ADAMTSL1: variants seen among roughly 807,000 people sequenced by gnomAD.
ADAMTSL1 encodes ADAMTS-like protein 1.
ADAMTSL1 carries 126 observed loss-of-function variants against 201.8 expected under a neutral mutation model. The ratio of observed to expected loss-of-function variants is 0.62; its 90% CI spans 0.54 to 0.72. The LOEUF (loss-of-function observed/expected upper bound fraction) is 0.72. Ranked by LOEUF, ADAMTSL1 falls within the 30% of genes least tolerant of loss-of-function variation. The probability of loss-of-function intolerance (pLI) is 0.00; values close to 1 mark genes in which losing one functional copy is unlikely to be tolerated. For missense variants in ADAMTSL1, 2,679 were observed against 2,277.8 expected, an observed-to-expected ratio of 1.18 and a Z score of -3.59; for synonymous variants, 1,121 against 903.4, an observed-to-expected ratio of 1.24 and a Z score of -4.32.
chr9:18,445,113 C>T (rs917575370), intron 2 of ADAMTSL1, among the ~76,000 whole-genome samples: 3 of 152,118 alleles, frequency 2.0e-5, no homozygotes, highest in African/African-American at 4.8e-5. Context: ...TAAATGTACA[C>T]ATTAACTTAC....
chr9:17,997,035 C>G (rs1187796301), intron 1 of ADAMTSL1, among the ~76,000 whole-genome samples: 15 of 152,100 alleles, frequency 9.9e-5, no homozygotes, highest in Admixed American at 9.8e-4. Context: ...GGCATTTTGC[C>G]CAAAAATTGA....
intron 25 of ADAMTSL1, chr9:18,890,657 A>G: frequency 2.2e-6 from 1 of 455,096 alleles, no homozygotes; most frequent in South Asian, 1.6e-5. Flanking sequence ...TTTCCACAGG[A>G]ATGATTAATG....
intron 3 of ADAMTSL1, among the ~76,000 whole-genome samples, chr9:18,567,154 G>A (rs2132316925): frequency 6.6e-6 from 1 of 152,220 alleles, no homozygotes; most frequent in Non-Finnish European, 1.5e-5. Flanking sequence ...GTTTAAGTTT[G>A]AAAACCACTG....
At chr9:18,579,510 A>G (rs1822961975) in intron 4 of ADAMTSL1, among the ~76,000 whole-genome samples, 1 of 152,094 alleles carries the variant, frequency 6.6e-6, no homozygotes, top group Non-Finnish European at 1.5e-5. Flanking sequence ...AAATAAATAA[A>G]TAAAAAAAAT....
intron 1 of ADAMTSL1, among the ~76,000 whole-genome samples, chr9:18,058,107 A>G (rs1822278778): frequency 6.6e-6 from 1 of 152,260 alleles, no homozygotes; most frequent in Admixed American, 6.5e-5. Context: ...AGGAGTGGAT[A>G]GATGGAAGAA....
At chr9:18,737,166 A>G (rs955623253) in intron 15 of ADAMTSL1, among the ~76,000 whole-genome samples, 1 of 152,018 alleles carries the variant, frequency 6.6e-6, no homozygotes. Context: ...TAAAAATACA[A>G]AAATTAGCCG....
At chr9:18,230,797 G>T (rs2132405984) in intron 2 of ADAMTSL1, among the ~76,000 whole-genome samples, 1 of 152,008 alleles carries the variant, frequency 6.6e-6, no homozygotes, top group South Asian at 2.1e-4. Context: ...GTAGCTTTTG[G>T]TCATAAATTT....
At chr9:18,107,782 G>C (rs1412912122) in intron 1 of ADAMTSL1, among the ~76,000 whole-genome samples, 1 of 152,094 alleles carries the variant, frequency 6.6e-6, no homozygotes, top group Non-Finnish European at 1.5e-5. Flanking sequence ...CTGCATGCCT[G>C]AAGACATTAA....
At chr9:18,063,630 C>T (rs1238877048) in intron 1 of ADAMTSL1, among the ~76,000 whole-genome samples, 2 of 152,208 alleles carry the variant, frequency 1.3e-5, no homozygotes, top group African/African-American at 4.8e-5. Flanking sequence ...GAATGGCGGG[C>T]AGCCCATCAC....
intron 2 of ADAMTSL1, among the ~76,000 whole-genome samples, chr9:18,425,332 G>A (rs1321506902): frequency 1.3e-5 from 2 of 152,082 alleles, no homozygotes; most frequent in African/African-American, 2.4e-5. Flanking sequence ...GGCAAGATAG[G>A]TACAAAATGC....
intron 2 of ADAMTSL1, among the ~76,000 whole-genome samples, chr9:18,198,146 A>AT (rs1347722628): frequency 6.6e-6 from 1 of 152,172 alleles, no homozygotes; most frequent in Non-Finnish European, 1.5e-5. Flanking sequence ...ACCTAAAACC[A>AT]TAAAAACCCT....
At chr9:18,392,756 A>T (rs1838102826) in intron 2 of ADAMTSL1, among the ~76,000 whole-genome samples, 1 of 152,222 alleles carries the variant, frequency 6.6e-6, no homozygotes, top group African/African-American at 2.4e-5. Context: ...GATACTCTAA[A>T]TTCATACAAG....
Position 18,908,525 on chromosome 9 carries a change from T to C in ADAMTSL1, c.5266T>C (p.Cys1756Arg). The change falls in exon 29 of 29, where the codon TGT (cysteine) becomes CGT (arginine). Residue 1756 changes from cysteine to arginine, a missense_variant. Physicochemically the swap from Cys to Arg is radical, Grantham distance 180 (BLOSUM62 -3). Coordinates refer to ENST00000380548, the MANE Select transcript of ADAMTSL1 (RefSeq NM_001040272.6). ...ACTCAGCCAGTTTAAATCTCGCTGC[T>C]GTGGAACTTGTGGCAAAGCGTGAAG... ...CQLSQFKSRC[C>R]GTCGKA 1 of 1,561,986 alleles carries C rather than the reference T, an allele frequency of 6.4e-7. No individual in the cohort carries two copies. Among genetic ancestry groups the C allele is most frequent in the East Asian group, 2.4e-5 (1 of 41,680 alleles).
intron 13 of ADAMTSL1, among the ~76,000 whole-genome samples, chr9:18,695,509 A>G (rs1156334615): frequency 6.6e-6 from 1 of 152,232 alleles, no homozygotes; most frequent in Admixed American, 6.5e-5. Flanking sequence ...AGAAGCATCC[A>G]GGTCACATCT....
intron 2 of ADAMTSL1, among the ~76,000 whole-genome samples, chr9:18,262,124 C>T (rs1831947273): frequency 6.6e-6 from 1 of 152,040 alleles, no homozygotes; most frequent in African/African-American, 2.4e-5. Flanking sequence ...CCAGGCAAAC[C>T]CTACGACTTC....
intron 2 of ADAMTSL1, among the ~76,000 whole-genome samples, chr9:18,275,532 C>A (rs1168870813): frequency 2.0e-5 from 3 of 152,128 alleles, no homozygotes; most frequent in Admixed American, 2.0e-4. Flanking sequence ...CTCACCTTAG[C>A]CCTAGGCAAC....
chr9:18,082,878 CATT>C (rs1195685720), intron 1 of ADAMTSL1, among the ~76,000 whole-genome samples: 1 of 152,072 alleles, frequency 6.6e-6, no homozygotes, highest in African/African-American at 2.4e-5. Flanking sequence ...AACATGAGAA[CATT>C]ATGAGAAGCA....
intron 26 of ADAMTSL1, among the ~76,000 whole-genome samples, chr9:18,896,917 G>A (rs991862517): frequency 7.9e-5 from 12 of 152,100 alleles, no homozygotes; most frequent in African/African-American, 2.7e-4. Context: ...CACCTCAGAA[G>A]TTAAGACCCA....
intron 1 of ADAMTSL1, 128 bp downstream of exon 1, chr9:18,474,423 T>C (rs1821350245): frequency 2.2e-6 from 2 of 921,546 alleles, no homozygotes; most frequent in South Asian, 3.0e-5. Flanking sequence ...TAAAATAATT[T>C]ACACGATTAC....
Sources: gnomAD v4.1 joint callset for allele counts (sites outside exome capture counted in the v4.1 genomes callset) on GRCh38, gnomAD v4.1.1 for gene constraint, MANE v1.5 for transcripts, NCBI Gene and HGNC (gene_info 2026-07-23, HGNC 2026-07-21) for gene names.